CSF2RB: variants seen among roughly 807,000 people sequenced by gnomAD.
CSF2RB encodes cytokine receptor common subunit beta.
In CSF2RB, 22 loss-of-function variants were observed where a neutral mutation model predicts 67.2. That is an observed-to-expected ratio of 0.33 (90% CI 0.23 to 0.47). CSF2RB has a LOEUF of 0.47. CSF2RB is among the 20% of genes least tolerant of loss of function. CSF2RB has a pLI of 1.00. For missense variants in CSF2RB, 1,113 were observed against 1,174.5 expected, an observed-to-expected ratio of 0.95 and a Z score of 0.76; for synonymous variants, 507 against 482.9, an observed-to-expected ratio of 1.05 and a Z score of -0.65.
rs1306330202 is a variant in CSF2RB, at chr22:36,937,118, G to A, written c.1569-259G>A. 6.6e-6 allele frequency among the ~76,000 whole-genome samples: 1 copy of A among 152,118 alleles called. No homozygotes were observed. The highest frequency in any genetic ancestry group is 2.4e-5 in the African/African-American group (1 of 41,424). ...GGACTTTAAGGTCAAAAGGGAGAGG[G>A]TACCAGCCTTGCAGAGGAAGACCTT... On this transcript the variant is annotated intron_variant, in intron 13 of 13. Transcript: ENST00000403662. The surrounding 1 kb of genome is among the most constrained non-coding windows in gnomAD (Gnocchi z 4.6).
intron 1 of CSF2RB, among the ~76,000 whole-genome samples, chr22:36,916,383 ATGAGTG>A (rs1940713880): frequency 6.6e-6 from 1 of 152,210 alleles, no homozygotes; most frequent in South Asian, 2.1e-4. Context: ...ATTGCTAATT[ATGAGTG>A]TGTGATTTCT....
intron 12 of CSF2RB, 31 bp downstream of exon 12, chr22:36,935,718 G>A (rs745401111): frequency 6.2e-7 from 1 of 1,602,384 alleles, no homozygotes; most frequent in Non-Finnish European, 8.5e-7. Flanking sequence ...GCGGAGTGGG[G>A]GCTTCTCTGT....
At position 36,932,766 on chromosome 22, in the gene CSF2RB, C is replaced by A; in HGVS notation, c.1014C>A (p.Ile338=). Residue 338 remains isoleucine (I), a splice_region_variant and synonymous_variant, in exon 9 of 14, where the codon ATC becomes ATA. Coordinates refer to ENST00000403662, the MANE Select transcript of CSF2RB (RefSeq NM_000395.3). ...AEKHIKSSVN[I]QMAPPSLNVT... ...TCCTGAAAGCTTCCCTCCCTCCAGT[C>A]CAGATGGCCCCTCCATCCCTCAACG... 6.2e-7 allele frequency: 1 copy of A among 1,613,522 alleles called. No individual in the cohort carries two copies. Among genetic ancestry groups the A allele is most frequent in the Non-Finnish European group, 8.5e-7 (1 of 1,179,834 alleles).
rs537461209 is a variant in CSF2RB at position 36,928,704 on chromosome 22, G to A, written c.392-698G>A. Among the ~76,000 whole-genome samples, 20 of 152,248 alleles carry A rather than the reference G, an allele frequency of 1.3e-4. No homozygotes were observed. In the East Asian group the frequency reaches 3.1e-3, roughly 24 times the overall value. ...TGAGAAGCCCCAAAGTTGCTTACGC[G>A]TATTTGTTCATTCATTCACTCATTC... On this transcript the variant is annotated intron_variant, in intron 4 of 13. Transcript: ENST00000403662.
intron 8 of CSF2RB, among the ~76,000 whole-genome samples, chr22:36,932,434 CAAAA>C (rs55664200): frequency 8.4e-5 from 9 of 107,426 alleles, no homozygotes; most frequent in Admixed American, 1.9e-4. Context: ...GACTCCGTCT[CAAAA>C]AAAAAAAAAA....
In CSF2RB at chr22:36,935,547, C is replaced by T. The variant is rs371695330; in HGVS notation, c.1407-83C>T. 4.6e-5 allele frequency: 74 copies of T among 1,607,900 alleles called. No homozygotes were observed. The African/African-American group carries it at 8.7e-4, about 19-fold the overall frequency. ...CCTGCTCTGCCGCTCCCTTCCTGGGCCTCAGTTTCCCCTCTGGGCATGAGC... is the reference window on the plus strand; with the variant it reads ...CCTGCTCTGCCGCTCCCTTCCTGGGTCTCAGTTTCCCCTCTGGGCATGAGC... On this transcript the variant is annotated intron_variant, in intron 11 of 13. Coordinates refer to ENST00000403662, the MANE Select transcript of CSF2RB (RefSeq NM_000395.3).
rs964589307 is a variant in CSF2RB, at chr22:36,938,150, G to C, written c.2342G>C (p.Arg781Thr). ...PIEGRSPRSP[R>T]NNPVPPEAKS... is the part of the protein sequence containing the mutation. ...GAGGGCCGGTCCCCCAGGTCACCAA[G>C]GAACAATCCTGTCCCCCCTGAGGCC... The change falls in exon 14 of 14, where the codon AGG (arginine) becomes ACG (threonine). Residue 781 changes from arginine (R) to threonine (T), a missense_variant. By Grantham distance (71) the Arg-to-Thr change is moderately conservative. Coordinates refer to ENST00000403662, the MANE Select transcript of CSF2RB (RefSeq NM_000395.3). 1 of 1,614,102 alleles carries C rather than the reference G, an allele frequency of 6.2e-7. No homozygotes were observed. Among genetic ancestry groups the C allele is most frequent in the Non-Finnish European group, 8.5e-7 (1 of 1,179,990 alleles).
chr22:36,940,376 A>G lies in CSF2RB; in HGVS notation c.*1874A>G, dbSNP rs565019304. 9 of 152,372 alleles carry G rather than the reference A, an allele frequency of 5.9e-5. No homozygotes were observed. Among genetic ancestry groups the G allele is most frequent in the African/African-American group, 2.2e-4 (9 of 41,588 alleles). 9.4% of individuals were successfully genotyped at this position (152,372 alleles called of 1,614,324 possible). ...GGATTAGAAAGAAGTCCGAGATATT[A>G]ATTCCAAAATATCCAGACATTGTTA... is the stretch of plus-strand genomic sequence containing the variant. On this transcript the variant is annotated 3_prime_UTR_variant, in exon 14 of 14. Coordinates refer to ENST00000403662, the MANE Select transcript of CSF2RB (RefSeq NM_000395.3).
chr22:36,925,852 C>T (rs1031180501), intron 3 of CSF2RB, 135 bp from the exon 4 acceptor site: 2 of 964,124 alleles, frequency 2.1e-6, no homozygotes, highest in Admixed American at 4.0e-5. Flanking sequence ...GCTCCGTGGG[C>T]AGGATTTTTG....
At chr22:36,923,778 A>G (rs1232786257) in intron 3 of CSF2RB, 1 of 1,292,752 alleles carries the variant, frequency 7.7e-7, no homozygotes, top group Non-Finnish European at 1.0e-6. Flanking sequence ...AGATGGCGCT[A>G]GCCTGGGAGT....
intron 6 of CSF2RB, 24 bp from the exon 7 acceptor site, chr22:36,930,351 C>T (rs1941120926): frequency 6.2e-7 from 1 of 1,613,098 alleles, no homozygotes; most frequent in African/African-American, 1.3e-5. Flanking sequence ...TGACGGAGTA[C>T]ATGAGGACCT....
chr22:36,922,476 G>T, intron 2 of CSF2RB, 193 bp downstream of exon 2: 1 of 622,060 alleles, frequency 1.6e-6, no homozygotes, highest in Non-Finnish European at 2.9e-6. Flanking sequence ...TCCTGTCTTG[G>T]AAAGTCCAGC....
chr22:36,919,738 A>G (rs914770008), intron 1 of CSF2RB, among the ~76,000 whole-genome samples: 1 of 151,970 alleles, frequency 6.6e-6, no homozygotes, highest in Non-Finnish European at 1.5e-5. Flanking sequence ...TAAATTATGG[A>G]TCTCATATCT....
chr22:36,931,931 A>C (rs1270452227), intron 8 of CSF2RB, among the ~76,000 whole-genome samples: 1 of 152,126 alleles, frequency 6.6e-6, no homozygotes. Context: ...CACCTCTGAG[A>C]GTGTCAGACA....
At chr22:36,922,563 G>T in intron 2 of CSF2RB, 1 of 564,578 alleles carries the variant, frequency 1.8e-6, no homozygotes. Flanking sequence ...GGCTGCTCTG[G>T]CCGTTTCCCT....
At position 36,938,966 on chromosome 22, in the gene CSF2RB, A is replaced by C. The variant is rs1285343633; in HGVS notation, c.*464A>C. On this transcript the variant is annotated 3_prime_UTR_variant, in exon 14 of 14. Transcript: ENST00000403662. ...GCCTGTCCCCGGCAGTCGCTGATGC[A>C]CATGACATGATTCTCATCTGGGTGC... 5 of 605,116 alleles carry C rather than the reference A, an allele frequency of 8.3e-6. No homozygotes were observed. Among genetic ancestry groups the C allele is most frequent in the Middle Eastern group, 4.3e-4 (1 of 2,310 alleles). 37.5% of individuals were successfully genotyped at this position (605,116 alleles called of 1,614,324 possible).
rs907687376 is a variant in CSF2RB, at chr22:36,926,292, G to A, written c.391+115G>A. 1.1e-5 allele frequency: 11 copies of A among 1,027,178 alleles called. No individual in the cohort carries two copies. In the Admixed American group the frequency reaches 1.8e-4, roughly 17 times the overall value. 63.6% of individuals were successfully genotyped at this position (1,027,178 alleles called of 1,614,324 possible). On this transcript the variant is annotated intron_variant, in intron 4 of 13. Coordinates refer to ENST00000403662, the MANE Select transcript of CSF2RB (RefSeq NM_000395.3). ...GGCTGTGGCTTGGGGTTGGGTGAGG[G>A]TTTCTTGAGGGATGAGGGTATGGTC...
rs1941288763 is a variant in CSF2RB, at chr22:36,937,344, G to T, written c.1569-33G>T. On this transcript the variant is annotated intron_variant, in intron 13 of 13. Transcript: ENST00000403662. The surrounding 1 kb of genome is among the most constrained non-coding windows in gnomAD (Gnocchi z 4.6). The stretch of plus-strand genomic sequence containing the variant: ...TGACCCGGATCATCTGCCCAGGGTG[G>T]TCCCAACTCTTCTGCCCATTTTCTT... 2 of 1,609,482 alleles carry T rather than the reference G, an allele frequency of 1.2e-6. No homozygotes were observed. The highest frequency in any genetic ancestry group is 1.7e-6 in the Non-Finnish European group (2 of 1,179,826).
chr22:36,919,546 C>T (rs1020621619), intron 1 of CSF2RB, among the ~76,000 whole-genome samples: 6 of 150,250 alleles, frequency 4.0e-5, no homozygotes, highest in African/African-American at 1.5e-4. Flanking sequence ...GGATTACAGA[C>T]GTGCGCCACC....
Sources: gnomAD v4.1 joint callset for allele counts (sites outside exome capture counted in the v4.1 genomes callset) on GRCh38, gnomAD v4.1.1 for gene constraint, Gnocchi (gnomAD v3.1) non-coding constraint, MANE v1.5 for transcripts, NCBI Gene and HGNC (gene_info 2026-07-23, HGNC 2026-07-21) for gene names.